The following RRBP1 variants were observed in gnomAD, a reference collection of about 807,000 sequenced individuals.
RRBP1 encodes ribosome binding protein 1, also known as ribosome-binding protein 1.
In RRBP1, 94 loss-of-function variants were observed where a neutral mutation model predicts 165.2. That is an observed-to-expected ratio of 0.57 (90% CI 0.48 to 0.68). The LOEUF is 0.68. Ranked by LOEUF, RRBP1 falls within the 30% of genes least tolerant of loss-of-function variation. The pLI, the probability that RRBP1 is intolerant of heterozygous loss-of-function variation, is 0.00. For synonymous variants in RRBP1, 680 were observed against 714.5 expected, an observed-to-expected ratio of 0.95 and a Z score of 0.77; for missense variants, 1,676 against 1,763.0, an observed-to-expected ratio of 0.95 and a Z score of 0.88.
intron 13 of RRBP1, 118 bp downstream of exon 13, chr20:17,624,458 C>T (rs369168260): frequency 1.3e-4 from 91 of 707,032 alleles, no homozygotes; most frequent in East Asian, 3.3e-4. Context: ...TATGTCTGTC[C>T]TAGTGCATCT....
intron 1 of RRBP1, among the ~76,000 whole-genome samples, chr20:17,680,451 AGAGT>A: frequency 6.6e-6 from 1 of 152,320 alleles, no homozygotes; most frequent in South Asian, 2.1e-4. Context: ...TCCAGCACGC[AGAGT>A]GAATAGCTGA....
intron 2 of RRBP1, among the ~76,000 whole-genome samples, chr20:17,667,303 T>G (rs1568788129): frequency 1.3e-5 from 2 of 152,178 alleles, no homozygotes; most frequent in Non-Finnish European, 2.9e-5. Flanking sequence ...TTCGATACAA[T>G]TTAACAACAT....
chr20:17,681,212 C>G (rs1479034924), intron 1 of RRBP1, among the ~76,000 whole-genome samples: 2 of 148,502 alleles, frequency 1.3e-5, no homozygotes, highest in Non-Finnish European at 3.0e-5. Context: ...CGGGGCGGGC[C>G]GGGCCCCGGG....
chr20:17,673,703 C>T lies in RRBP1; in HGVS notation c.-22+6296G>A, dbSNP rs112652591. Among the ~76,000 whole-genome samples, 335 of 152,286 alleles carry T rather than the reference C, an allele frequency of 2.2e-3. 1 individual carries two copies. The highest frequency in any genetic ancestry group is 7.7e-3 in the African/African-American group (320 of 41,558). ...GGACTACAGGCTGAGCCACCATGCCCGGCCCACCTGCAGTCTTTTTAAAAT... is the reference window on the plus strand; with the variant it reads ...GGACTACAGGCTGAGCCACCATGCCTGGCCCACCTGCAGTCTTTTTAAAAT... On this transcript the variant is annotated intron_variant, in intron 2 of 24. Coordinates refer to ENST00000377813, the MANE Select transcript of RRBP1 (RefSeq NM_001365613.2).
chr20:17,654,078 A>G (rs748555145), intron 3 of RRBP1, among the ~76,000 whole-genome samples: 1 of 152,224 alleles, frequency 6.6e-6, no homozygotes, highest in Non-Finnish European at 1.5e-5. Flanking sequence ...AAAGGACACA[A>G]CAAAAGGACA....
At chr20:17,670,877 G>A (rs2036964444) in intron 2 of RRBP1, among the ~76,000 whole-genome samples, 2 of 152,190 alleles carry the variant, frequency 1.3e-5, no homozygotes, top group South Asian at 4.1e-4. Flanking sequence ...TACGCATTCC[G>A]CAAAATTCTC....
At chr20:17,620,175 G>C (rs2035882405) in intron 18 of RRBP1, 124 bp downstream of exon 18, 1 of 742,750 alleles carries the variant, frequency 1.3e-6, no homozygotes, top group Non-Finnish European at 2.3e-6. Context: ...TGGCTTGAGA[G>C]AGAATGCCTC....
intron 2 of RRBP1, among the ~76,000 whole-genome samples, chr20:17,670,611 G>C (rs2036959690): frequency 6.6e-6 from 1 of 151,974 alleles, no homozygotes; most frequent in African/African-American, 2.4e-5. Context: ...CATGTATTTA[G>C]AACTGTCCAA....
chr20:17,646,391 C>A (rs1353987974), intron 3 of RRBP1, among the ~76,000 whole-genome samples: 4 of 152,232 alleles, frequency 2.6e-5, no homozygotes, highest in Non-Finnish European at 5.9e-5. Context: ...TGTCCTTGGG[C>A]AGTGGGGCAC....
rs1262467646 is a variant in RRBP1, at chr20:17,618,662, T to G, written c.3693A>C (p.Leu1231=). 6.2e-7 allele frequency: 1 copy of G among 1,613,770 alleles called. No individual in the cohort carries two copies. The highest frequency in any genetic ancestry group is 1.3e-5 in the African/African-American group (1 of 74,910). The change falls in exon 20 of 25, where the codon CTA becomes CTC. Residue 1231 remains leucine, a synonymous_variant. Transcript: ENST00000377813. Reference sequence around the variant, plus strand: ...CGGCATCGAGCTGAGATTGAGATTCTAGGAGAAGTTGCCTCAGCTTGGGGA... The same window carrying G: ...CGGCATCGAGCTGAGATTGAGATTCGAGGAGAAGTTGCCTCAGCTTGGGGA... ...KEVAGLRQLL[L]ESQSQLDAAK... is the part of the protein sequence containing the mutation.
chr20:17,646,933 C>T (rs546686755), intron 3 of RRBP1, among the ~76,000 whole-genome samples: 3 of 152,334 alleles, frequency 2.0e-5, no homozygotes, highest in African/African-American at 4.8e-5. Context: ...TGCTGGAGCA[C>T]CCCTGCACTG....
chr20:17,633,726 T>C, intron 7 of RRBP1, 113 bp from the exon 8 acceptor site: 4 of 1,081,464 alleles, frequency 3.7e-6, no homozygotes, highest in Non-Finnish European at 5.3e-6. Context: ...TGCCCAAGTC[T>C]TGAAGCCATT....
intron 4 of RRBP1, 133 bp from the exon 5 acceptor site, chr20:17,642,052 A>C: frequency 1.0e-6 from 1 of 985,708 alleles, no homozygotes; most frequent in Non-Finnish European, 1.5e-6. Flanking sequence ...TTCCACTGGG[A>C]CTCCAGATAC....
rs1299923152 is a variant in RRBP1, at chr20:17,643,270, G to A, written c.1913-143C>T. ...TTGGGGTCAGCAGGCTGAGCATGGC[G>A]AGTCTGCTCCAGTGTCTCCTGCTCT... On this transcript the variant is annotated intron_variant, in intron 3 of 24. Transcript: ENST00000377813. This position sits in a 1 kb window ranked among gnomAD's most constrained non-coding sequence, Gnocchi z 4.3. 1.9e-5 allele frequency: 15 copies of A among 788,524 alleles called. No homozygotes were observed. Among genetic ancestry groups the A allele is most frequent in the East Asian group, 1.1e-4 (4 of 37,112 alleles). The allele number at this position is 788,524 out of a possible 1,614,324, so 48.8% of individuals were successfully genotyped here. A position where few individuals can be genotyped will look rare whatever the true frequency, so the allele number is the denominator to read the frequency against.
rs2036115869 is a variant in RRBP1, at chr20:17,629,944, A to C, written c.2628T>G (p.Ser876Arg). The change falls in exon 9 of 25, where the codon AGT becomes AGG. Residue 876 changes from serine to arginine, a missense_variant. Physicochemically the swap from Ser to Arg is moderately radical, Grantham distance 110. Transcript: ENST00000377813. ...VLQLQASHRE[S>R]EEALQKRLDE... ...CCAGGCGCTTCTGCAGGGCCTCCTC[A>C]CTCTCCCTGTGGGACGCCTGGGGAC... 1 of 1,594,974 alleles carries C rather than the reference A, an allele frequency of 6.3e-7. No homozygotes were observed. Among genetic ancestry groups the C allele is most frequent in the Admixed American group, 1.7e-5 (1 of 59,710 alleles).
At chr20:17,649,900 C>T (rs1568775509) in intron 3 of RRBP1, among the ~76,000 whole-genome samples, 1 of 152,140 alleles carries the variant, frequency 6.6e-6, no homozygotes, top group Non-Finnish European at 1.5e-5. Flanking sequence ...AACTTCCCAC[C>T]TTACCTCAGT....
intron 2 of RRBP1, among the ~76,000 whole-genome samples, chr20:17,675,461 G>A (rs561815534): frequency 6.6e-6 from 1 of 151,804 alleles, no homozygotes; most frequent in East Asian, 1.9e-4. Flanking sequence ...TAGAGCTTAC[G>A]CTTCAGAGGG....
intron 3 of RRBP1, among the ~76,000 whole-genome samples, chr20:17,652,252 G>A (rs2036571841): frequency 6.6e-6 from 1 of 152,200 alleles, no homozygotes; most frequent in Non-Finnish European, 1.5e-5. Flanking sequence ...CTGTGTAAAG[G>A]GAGCCACTAG....
Position 17,641,838 on chromosome 20 carries a change from C to T in RRBP1, c.2143G>A (p.Asp715Asn). The change falls in exon 5 of 25, where the codon GAT (aspartate) becomes AAT (asparagine). Residue 715 changes from aspartate to asparagine, a missense_variant. By Grantham distance (23) the Asp-to-Asn change is conservative (BLOSUM62 1). This residue lies in a region of RRBP1 where 1,184 missense variants were observed against 1,167.1 expected (regional missense o/e 1.01). Coordinates refer to ENST00000377813, the MANE Select transcript of RRBP1 (RefSeq NM_001365613.2). Reference sequence around the variant, plus strand: ...AGTTTGCTCTTGGCGACAGCCGCATCTTCCTGTTCTGTGGCCAGCAGTTTT... The same window carrying T: ...AGTTTGCTCTTGGCGACAGCCGCATTTTCCTGTTCTGTGGCCAGCAGTTTT... Reference protein sequence around the residue: ...KEKLLATEQEDAAVAKSKLRE... With the variant: ...KEKLLATEQENAAVAKSKLRE... The T allele has an allele frequency of 6.2e-7, 1 of 1,613,932 alleles. No individual in the cohort carries two copies. The highest frequency in any genetic ancestry group is 1.1e-5 in the South Asian group (1 of 91,078).
Sources: allele counts gnomAD v4.1 joint callset (sites outside exome capture counted in the v4.1 genomes callset), GRCh38; gene constraint gnomAD v4.1.1; regional missense constraint gnomAD v4.1.1; non-coding constraint Gnocchi (gnomAD v3.1); transcripts MANE v1.5; gene names NCBI Gene and HGNC (gene_info 2026-07-23, HGNC 2026-07-21).